PSG2: variants seen among roughly 807,000 people sequenced by gnomAD.
PSG2 encodes pregnancy specific beta-1-glycoprotein 2.
In PSG2, 49 loss-of-function variants were observed where a neutral mutation model predicts 36.2. That is an observed-to-expected ratio of 1.35 (90% CI 1.08 to 1.72). The LOEUF (loss-of-function observed/expected upper bound fraction) is 1.72. Ranked by LOEUF, PSG2 falls within the 40% of genes most tolerant of loss-of-function variation. The probability of loss-of-function intolerance (pLI) is 0.00; values close to 1 mark genes in which losing one functional copy is unlikely to be tolerated. For missense variants in PSG2, 605 were observed against 407.2 expected (o/e 1.49, Z -4.18); for synonymous variants, 261 against 155.6 (o/e 1.68, Z -5.04).
rs4416133 is a variant in PSG2, at chr19:43,073,499, G to A, written c.710-1545C>T. Reference sequence around the variant, plus strand: ...GGAATGAACTGCTGGAAATCTGGTCGTCATGGACCATGTGTGTTTGATGGA... The same window carrying A: ...GGAATGAACTGCTGGAAATCTGGTCATCATGGACCATGTGTGTTTGATGGA... On this transcript the variant is annotated intron_variant, in intron 3 of 5. Coordinates refer to ENST00000406487, the MANE Select transcript of PSG2 (RefSeq NM_031246.4). Among the ~76,000 whole-genome samples the A allele has an allele frequency of 1.0e-3, 154 of 151,906 alleles. 7 individuals are homozygous for A. Among genetic ancestry groups the A allele is most frequent in the African/African-American group, 3.5e-3 (143 of 41,228 alleles).
At chr19:43,072,009 C>A in intron 3 of PSG2, 55 bp from the exon 4 acceptor site, 1 of 1,588,812 alleles carries the variant, frequency 6.3e-7, no homozygotes, top group Non-Finnish European at 8.6e-7. Context: ...AGGGGATGCT[C>A]CTGGTCTCTT....
intron 4 of PSG2, among the ~76,000 whole-genome samples, chr19:43,066,926 T>A (rs1298386575): frequency 1.3e-5 from 2 of 151,486 alleles, no homozygotes; most frequent in African/African-American, 4.9e-5. Flanking sequence ...TGCATCTTTT[T>A]CTCGGTGTTT....
chr19:43,080,821 T>C (rs1326749044), intron 2 of PSG2, 60 bp downstream of exon 2: 6 of 1,611,792 alleles, frequency 3.7e-6, no homozygotes, highest in Non-Finnish European at 5.1e-6. Flanking sequence ...CAATCCTGTG[T>C]GTGTGAAGTA....
intron 2 of PSG2, among the ~76,000 whole-genome samples, chr19:43,079,605 A>G (rs1013461450): frequency 4.6e-5 from 7 of 151,666 alleles, no homozygotes; most frequent in Non-Finnish European, 8.8e-5. Context: ...CTCTCATGAC[A>G]GTGACATGGA....
intron 5 of PSG2, among the ~76,000 whole-genome samples, chr19:43,066,044 T>C (rs867691002): frequency 9.2e-5 from 14 of 151,684 alleles, no homozygotes; most frequent in African/African-American, 2.9e-4. Context: ...AGAAGAAATG[T>C]GAACTTATCA....
chr19:43,074,031 G>A (rs1052423344), intron 3 of PSG2, among the ~76,000 whole-genome samples: 23 of 151,210 alleles, frequency 1.5e-4, no homozygotes, highest in African/African-American at 2.2e-4. Flanking sequence ...ATTAGTTTTC[G>A]GTCAATTCCA....
chr19:43,080,002 C>T (rs1443861772), intron 2 of PSG2, among the ~76,000 whole-genome samples: 1 of 151,754 alleles, frequency 6.6e-6, no homozygotes, highest in Non-Finnish European at 1.5e-5. Context: ...TGGACTGTGG[C>T]TTTTCATGCT....
At position 43,075,543 on chromosome 19, in the gene PSG2, G is replaced by T; in HGVS notation, c.520C>A (p.Pro174Thr). ...ATCCACCACTGGTAGCTTGTGTCCG[G>T]AGTCTCAGGATCACAGGTTAAGATC... ...TVILTCDPET[P>T]DTSYQWWMNG... Residue 174 changes from proline to threonine, a missense_variant, in exon 3 of 6, where the codon CCG becomes ACG. Physicochemically the swap from Pro to Thr is conservative, Grantham distance 38. Transcript: ENST00000406487. 6.2e-7 allele frequency: 1 copy of T among 1,613,264 alleles called. No homozygotes were observed. The highest frequency in any genetic ancestry group is 8.5e-7 in the Non-Finnish European group (1 of 1,179,766).
intron 4 of PSG2, among the ~76,000 whole-genome samples, chr19:43,071,324 GTAGCTCATGGAA>G (rs1967812741): frequency 6.7e-6 from 1 of 148,898 alleles, no homozygotes; most frequent in Non-Finnish European, 1.5e-5. Context: ...GATGTTCCTT[GTAGCTCATGGAA>G]TAGGTACAAG....
intron 3 of PSG2, 77 bp downstream of exon 3, chr19:43,075,277 G>A (rs1599708555): frequency 1.2e-6 from 2 of 1,612,168 alleles, no homozygotes; most frequent in East Asian, 4.5e-5. Context: ...GGACCTGAGA[G>A]GGACTGAGAG....
rs528059352 is a variant in PSG2 at position 43,078,537 on chromosome 19, A to T, written c.430+2344T>A. On this transcript the variant is annotated intron_variant, in intron 2 of 5. Transcript: ENST00000406487. Reference sequence around the variant, plus strand: ...CATACCTATGATTAATGGCTCAGCCAGTCATGTGGTCCCTACCTAGAGGCG... The same window carrying T: ...CATACCTATGATTAATGGCTCAGCCTGTCATGTGGTCCCTACCTAGAGGCG... Among the ~76,000 whole-genome samples the T allele has an allele frequency of 1.6e-4, 24 of 151,660 alleles. 2 individuals are homozygous for T. The highest frequency in any genetic ancestry group is 1.3e-3 in the Admixed American group (20 of 15,226).
Position 43,076,475 on chromosome 19 carries a change from A to T in PSG2, c.431-843T>A, listed in dbSNP as rs539982520. On this transcript the variant is annotated intron_variant, in intron 2 of 5. Coordinates refer to ENST00000406487, the MANE Select transcript of PSG2 (RefSeq NM_031246.4). Reference sequence around the variant, plus strand: ...AAACTGACTGGTGGAAAGGGTGAACATGAACTGATGATGGAAGTCTGGCCC... The same window carrying T: ...AAACTGACTGGTGGAAAGGGTGAACTTGAACTGATGATGGAAGTCTGGCCC... Among the ~76,000 whole-genome samples, 15 of 151,968 alleles carry T rather than the reference A, an allele frequency of 9.9e-5. No individual in the cohort carries two copies. The South Asian group carries it at 2.9e-3, about 29-fold the overall frequency.
At position 43,064,504 on chromosome 19, in the gene PSG2, C is replaced by T. The variant is rs1967713183; in HGVS notation, c.*138G>A. On this transcript the variant is annotated 3_prime_UTR_variant, in exon 6 of 6. Transcript: ENST00000406487. ...AATTTCATGAAGGTATCAGCCTGTT[C>T]ATTAAAATTTTGAAAGTTCTTAGTC... 1.7e-6 allele frequency: 1 copy of T among 587,248 alleles called. No individual in the cohort carries two copies. Among genetic ancestry groups the T allele is most frequent in the Non-Finnish European group, 3.1e-6 (1 of 319,472 alleles). 36.4% of individuals were successfully genotyped at this position (587,248 alleles called of 1,614,324 possible). A position where few individuals can be genotyped will look rare whatever the true frequency, so the allele number is the denominator to read the frequency against.
intron 3 of PSG2, among the ~76,000 whole-genome samples, chr19:43,073,742 A>G (rs1264028946): frequency 6.6e-6 from 1 of 151,644 alleles, no homozygotes; most frequent in Admixed American, 6.6e-5. Context: ...GAGTTTCTAG[A>G]GATCTGCTGT....
At chr19:43,068,606 C>A (rs947625024) in intron 4 of PSG2, among the ~76,000 whole-genome samples, 2 of 151,438 alleles carry the variant, frequency 1.3e-5, no homozygotes, top group African/African-American at 4.9e-5. Flanking sequence ...CCTAGAAACA[C>A]ACAAAAATAT....
intron 3 of PSG2, among the ~76,000 whole-genome samples, chr19:43,074,833 TC>T (rs1967867844): frequency 6.6e-6 from 1 of 151,746 alleles, no homozygotes; most frequent in Non-Finnish European, 1.5e-5. Context: ...TGCTGGAACT[TC>T]CCATCAATCA....
At chr19:43,076,730 G>A (rs1967901652) in intron 2 of PSG2, among the ~76,000 whole-genome samples, 1 of 151,608 alleles carries the variant, frequency 6.6e-6, no homozygotes, top group South Asian at 2.1e-4. Context: ...GGATAAGGAG[G>A]TTCTAGAGAT....
In PSG2 at chr19:43,075,733, C is replaced by T. The variant is rs997744603; in HGVS notation, c.431-101G>A. 5 of 1,526,380 alleles carry T rather than the reference C, an allele frequency of 3.3e-6. No homozygotes were observed. In the East Asian group the frequency reaches 1.1e-4, roughly 34 times the overall value. The allele number at this position is 1,526,380 out of a possible 1,614,324, so 94.6% of individuals were successfully genotyped here. On this transcript the variant is annotated intron_variant, in intron 2 of 5. Coordinates refer to ENST00000406487, the MANE Select transcript of PSG2 (RefSeq NM_031246.4). ...GGCATTTCCCACCTCTCAGCCCACC[C>T]AAGTCCTTAAAAGCCCATGGCAGGT...
chr19:43,065,334 A>C (rs1021449322), intron 5 of PSG2, among the ~76,000 whole-genome samples: 4 of 151,652 alleles, frequency 2.6e-5, no homozygotes, highest in Non-Finnish European at 4.4e-5. Flanking sequence ...GTATAGTCTT[A>C]TGTATGTTGA....
Sources: gnomAD v4.1 joint callset for allele counts (sites outside exome capture counted in the v4.1 genomes callset) on GRCh38, gnomAD v4.1.1 for gene constraint, MANE v1.5 for transcripts, NCBI Gene and HGNC (gene_info 2026-07-23, HGNC 2026-07-21) for gene names.